The following SERPINB4 variants were observed in gnomAD, a reference collection of about 807,000 sequenced individuals.
SERPINB4 encodes the protein serpin B4.
Under a neutral mutation model 33.2 loss-of-function variants are expected in SERPINB4, and 39 were observed. The observed-to-expected ratio is 1.18, with a 90% CI of 0.91 to 1.53. The LOEUF is 1.53. Among genes scored for constraint, SERPINB4 ranks in the 40% most tolerant of loss-of-function variants. The pLI, the probability that SERPINB4 is intolerant of heterozygous loss-of-function variation, is 0.00. For synonymous variants in SERPINB4, 191 were observed against 166.4 expected (o/e 1.15, Z -1.14); for missense variants, 564 against 455.4 (o/e 1.24, Z -2.17).
intron 1 of SERPINB4, 95 bp downstream of exon 1, chr18:63,644,110 TCAGA>T (rs1913232657): frequency 6.4e-6 from 1 of 155,638 alleles, no homozygotes; most frequent in Non-Finnish European, 1.4e-5. Context: ...TAAAATATAA[TCAGA>T]CAGAATGCAG....
intron 5 of SERPINB4, among the ~76,000 whole-genome samples, chr18:63,640,435 C>G (rs1407800687): frequency 6.6e-6 from 1 of 152,076 alleles, no homozygotes; most frequent in African/African-American, 2.4e-5. Flanking sequence ...GTGATCCAGG[C>G]AGCTCCAGCT....
chr18:63,642,397 G>A (rs1402204837), intron 3 of SERPINB4, among the ~76,000 whole-genome samples: 2 of 152,080 alleles, frequency 1.3e-5, no homozygotes, highest in Non-Finnish European at 2.9e-5. Context: ...TAAGAAGAGT[G>A]TATGCCAGGT....
intron 3 of SERPINB4, among the ~76,000 whole-genome samples, chr18:63,642,293 C>A (rs1203178066): frequency 6.6e-6 from 1 of 152,040 alleles, no homozygotes. Context: ...ATAGATTATG[C>A]CAGGAAGCCC....
In SERPINB4 at chr18:63,637,990, G is replaced by C. The variant is rs1293707855; in HGVS notation, c.902C>G (p.Thr301Ser). 6.2e-7 allele frequency: 1 copy of C among 1,613,618 alleles called. No individual in the cohort carries two copies. The highest frequency in any genetic ancestry group is 2.2e-5 in the East Asian group (1 of 44,862). ...ATTGAAGATATTCACCATTCCCATG[G>C]TTCTCAACGTGTCCTTGAGGTCATA... ...ESYDLKDTLR[T>S]MGMVNIFNGD... The change falls in exon 8 of 8, where the codon ACC (threonine) becomes AGC (serine). Residue 301 changes from threonine (T) to serine (S), a missense_variant. Coordinates refer to ENST00000341074, the MANE Select transcript of SERPINB4 (RefSeq NM_002974.4).
Position 63,643,146 on chromosome 18 carries a change from T to G in SERPINB4, c.222+15A>C, listed in dbSNP as rs745541958. On this transcript the variant is annotated intron_variant, in intron 3 of 7. Transcript: ENST00000341074. ...TCAGGGATCTAAAGCTGAACCATAG[T>G]GCTCTGTGACTCACATGATATGTTG... is the stretch of plus-strand genomic sequence containing the variant. 31 of 1,613,118 alleles carry G rather than the reference T, an allele frequency of 1.9e-5. No individual in the cohort carries two copies. The highest frequency in any genetic ancestry group is 2.5e-5 in the Non-Finnish European group (30 of 1,179,480).
Position 63,639,673 on chromosome 18 carries a change from T to A in SERPINB4, c.573A>T (p.Lys191Asn), listed in dbSNP as rs1216791683. 1.9e-6 allele frequency: 3 copies of A among 1,611,048 alleles called. No homozygotes were observed. The highest frequency in any genetic ancestry group is 1.3e-5 in the African/African-American group (1 of 74,826). Residue 191 changes from lysine to asparagine, a missense_variant, in exon 6 of 8, where the codon AAA becomes AAT. Physicochemically the swap from Lys to Asn is moderately conservative, Grantham distance 94. Coordinates refer to ENST00000341074, the MANE Select transcript of SERPINB4 (RefSeq NM_002974.4). ...YFKGQWENKF[K>N]KENTKEEKFW... ...ATTTTTCCTCTTTAGTGTTTTCTTTTTTAAATTTATTCTCCCACTGCCCTT... is the reference window on the plus strand; with the variant it reads ...ATTTTTCCTCTTTAGTGTTTTCTTTATTAAATTTATTCTCCCACTGCCCTT...
chr18:63,643,363 G>T (rs773553816), intron 2 of SERPINB4, 50 bp downstream of exon 2: 1 of 1,611,884 alleles, frequency 6.2e-7, no homozygotes, highest in Admixed American at 1.7e-5. Context: ...GCTAGCCGAC[G>T]GAACCAGAGA....
At chr18:63,641,727 C>G in intron 4 of SERPINB4, 33 bp downstream of exon 4, 1 of 1,612,790 alleles carries the variant, frequency 6.2e-7, no homozygotes, top group Non-Finnish European at 8.5e-7. Flanking sequence ...CATCAGGATG[C>G]AAATGAAATG....
chr18:63,641,865 A>G lies in SERPINB4; in HGVS notation c.246T>C (p.His82=). ...TYHVDRSGNV[H]HQFQKLLTEF... ...CAGTCAGAAGCTTTTGAAACTGGTGATGAACATTTCCTGACCTATCAACCT... is the reference window on the plus strand; with the variant it reads ...CAGTCAGAAGCTTTTGAAACTGGTGGTGAACATTTCCTGACCTATCAACCT... The change falls in exon 4 of 8, where the codon CAT becomes CAC. Residue 82 remains histidine, a synonymous_variant. Coordinates refer to ENST00000341074, the MANE Select transcript of SERPINB4 (RefSeq NM_002974.4). The G allele has an allele frequency of 4.3e-6, 7 of 1,613,330 alleles. No individual in the cohort carries two copies. In the South Asian group the frequency reaches 6.6e-5, roughly 15 times the overall value.
chr18:63,640,095 C>T (rs577023541), intron 5 of SERPINB4, among the ~76,000 whole-genome samples: 4 of 152,052 alleles, frequency 2.6e-5, no homozygotes, highest in East Asian at 1.9e-4. Flanking sequence ...GTCTACTCTT[C>T]CAACATGTGT....
At chr18:63,640,440 C>G (rs927188725) in intron 5 of SERPINB4, among the ~76,000 whole-genome samples, 3 of 152,038 alleles carry the variant, frequency 2.0e-5, no homozygotes, top group African/African-American at 4.8e-5. Flanking sequence ...CCAGGCAGCT[C>G]CAGCTCAGAG....
In SERPINB4 at chr18:63,642,358, C is replaced by G. The variant is rs553906657; in HGVS notation, c.223-470G>C. On this transcript the variant is annotated intron_variant, in intron 3 of 7. Coordinates refer to ENST00000341074, the MANE Select transcript of SERPINB4 (RefSeq NM_002974.4). ...AGGACACATTGACTGATCTGTGGCTCTTTCCTCATGATGGTCATTCTCTGC... is the reference window on the plus strand; with the variant it reads ...AGGACACATTGACTGATCTGTGGCTGTTTCCTCATGATGGTCATTCTCTGC... 1.3e-3 allele frequency among the ~76,000 whole-genome samples: 205 copies of G among 152,212 alleles called. 2 individuals are homozygous for G. Among genetic ancestry groups the G allele is most frequent in the Middle Eastern group, 3.4e-3 (1 of 294 alleles).
intron 3 of SERPINB4, 97 bp downstream of exon 3, chr18:63,643,064 C>G: frequency 6.7e-7 from 1 of 1,487,458 alleles, no homozygotes. Flanking sequence ...CAAGATTTTC[C>G]CTAAAACTGG....
Position 63,637,685 on chromosome 18 carries a change from A to G in SERPINB4, c.*34T>C, listed in dbSNP as rs149839364. 5.8e-6 allele frequency: 9 copies of G among 1,558,610 alleles called. No individual in the cohort carries two copies. Among genetic ancestry groups the G allele is most frequent in the Middle Eastern group, 1.7e-4 (1 of 5,760 alleles). Reference sequence around the variant, plus strand: ...AGTTTACCAGAACACCTCTAGGTGAACATTTTCTAAATGGAGTGACAGACT... The same window carrying G: ...AGTTTACCAGAACACCTCTAGGTGAGCATTTTCTAAATGGAGTGACAGACT... On this transcript the variant is annotated 3_prime_UTR_variant, in exon 8 of 8. Transcript: ENST00000341074.
At chr18:63,639,371 C>T in intron 6 of SERPINB4, 31 bp from the exon 7 acceptor site, 2 of 1,570,950 alleles carry the variant, frequency 1.3e-6, no homozygotes, top group Non-Finnish European at 1.7e-6. Context: ...CAACAAATAA[C>T]ACGTGAAACA....
chr18:63,642,651 T>C (rs545908845), intron 3 of SERPINB4, among the ~76,000 whole-genome samples: 135 of 152,116 alleles, frequency 8.9e-4, no homozygotes, highest in Non-Finnish European at 1.7e-3. Flanking sequence ...CTTGGACTTG[T>C]GCTTATTCCT....
Position 63,642,796 on chromosome 18 carries a change from A to T in SERPINB4, c.222+365T>A, listed in dbSNP as rs141864776. The T allele has an allele frequency of 7.1e-5, 14 of 196,218 alleles. No homozygotes were observed. In the East Asian group the frequency reaches 1.1e-3, roughly 15 times the overall value. 12.2% of individuals were successfully genotyped at this position (196,218 alleles called of 1,614,324 possible). On this transcript the variant is annotated intron_variant, in intron 3 of 7. Transcript: ENST00000341074. The stretch of plus-strand genomic sequence containing the variant: ...GCAAGGCACTGTTGTAAACATTTGC[A>T]TGTATTTGCATGTATTGAGTCAGAT...
At chr18:63,641,646 A>C in intron 4 of SERPINB4, 114 bp downstream of exon 4, 1 of 1,523,230 alleles carries the variant, frequency 6.6e-7, no homozygotes, top group South Asian at 1.1e-5. Context: ...ACTCTGAGTA[A>C]ATGCTCTCCA....
intron 7 of SERPINB4, among the ~76,000 whole-genome samples, chr18:63,638,518 T>C (rs1015116045): frequency 1.3e-5 from 2 of 152,056 alleles, no homozygotes; most frequent in Non-Finnish European, 2.9e-5. Flanking sequence ...CATATTTTTC[T>C]GTATACATTA....
Sources: allele counts gnomAD v4.1 joint callset (sites outside exome capture counted in the v4.1 genomes callset), GRCh38; gene constraint gnomAD v4.1.1; transcripts MANE v1.5; gene names NCBI Gene and HGNC (gene_info 2026-07-23, HGNC 2026-07-21).